The following STXBP3 variants were observed in gnomAD, a reference collection of about 807,000 sequenced individuals.
STXBP3 encodes syntaxin-binding protein 3.
In STXBP3, 41 loss-of-function variants were observed where a neutral mutation model predicts 85.7. That is an observed-to-expected ratio of 0.48 (90% CI 0.37 to 0.62). STXBP3 has a LOEUF of 0.62. STXBP3 is among the 20% of genes least tolerant of loss of function. The pLI, the probability that STXBP3 is intolerant of heterozygous loss-of-function variation, is 0.00. For synonymous variants in STXBP3, 229 were observed against 231.7 expected, an observed-to-expected ratio of 0.99 and a Z score of 0.10; for missense variants, 563 against 703.1, an observed-to-expected ratio of 0.80 and a Z score of 2.25.
chr1:108,785,779 C>G (rs1662813860), intron 11 of STXBP3, among the ~76,000 whole-genome samples: 1 of 152,150 alleles, frequency 6.6e-6, no homozygotes, highest in South Asian at 2.1e-4. Flanking sequence ...TCAAAGTTCC[C>G]CAGATCTCTA....
rs572260730 is a variant in STXBP3, at chr1:108,772,200, TGATATCTATCTGTATCATATATAAATAC to T, written c.439-464_439-437del. On this transcript the variant is annotated intron_variant, in intron 6 of 18. Transcript: ENST00000370008. ...TATCTATATATCATATATAAATACA[TGATATCTATCTGTATCATATATAAATAC>T]ATGATATCTATCTGTATCATATATA... Among the ~76,000 whole-genome samples the T allele has an allele frequency of 6.3e-4, 25 of 39,942 alleles. 4 individuals are homozygous for T. The highest frequency in any genetic ancestry group is 8.4e-4 in the Non-Finnish European group (13 of 15,506). The allele number at this position is 39,942 out of a possible 152,430, so 26.2% of individuals were successfully genotyped here.
chr1:108,771,992 C>A (rs187480062), intron 6 of STXBP3, among the ~76,000 whole-genome samples: 4,631 of 5,452 alleles, frequency 0.85, 1,980 homozygotes, highest in East Asian at 0.89. Flanking sequence ...ATATCTGTAT[C>A]ATATATAAAT....
intron 12 of STXBP3, among the ~76,000 whole-genome samples, chr1:108,794,478 C>T (rs949689617): frequency 5.3e-5 from 8 of 152,190 alleles, no homozygotes; most frequent in African/African-American, 1.9e-4. Context: ...ATGCCAGACA[C>T]TTGTAAAACC....
chr1:108,807,035 C>T (rs1002113056), intron 17 of STXBP3, among the ~76,000 whole-genome samples: 4 of 152,240 alleles, frequency 2.6e-5, no homozygotes, highest in South Asian at 2.1e-4. Context: ...AGGCAGATCA[C>T]GAGGTCAGGA....
intron 4 of STXBP3, 69 bp from the exon 5 acceptor site, chr1:108,758,437 TAGTC>T (rs74262714): frequency 0.057 from 42,468 of 740,296 alleles, 1,434 homozygotes; most frequent in Admixed American, 0.072. Flanking sequence ...AAAATAATCT[TAGTC>T]ATTTCAAAAG....
intron 6 of STXBP3, among the ~76,000 whole-genome samples, chr1:108,764,491 T>G (rs1386624375): frequency 1.3e-5 from 2 of 152,232 alleles, no homozygotes; most frequent in Non-Finnish European, 1.5e-5. Context: ...CCACAATGGT[T>G]CAACTAATAT....
intron 17 of STXBP3, among the ~76,000 whole-genome samples, chr1:108,805,581 T>C (rs1194169259): frequency 6.6e-6 from 1 of 152,122 alleles, no homozygotes; most frequent in Non-Finnish European, 1.5e-5. Context: ...TGCGCCACCA[T>C]GCCCAGCTAA....
At chr1:108,790,152 C>T (rs2934738) in intron 11 of STXBP3, among the ~76,000 whole-genome samples, 1 of 151,856 alleles carries the variant, frequency 6.6e-6, no homozygotes. Context: ...TTTACCTGCT[C>T]TGTCAGTTAC....
chr1:108,750,874 C>G (rs141343663), intron 1 of STXBP3, among the ~76,000 whole-genome samples: 50 of 152,312 alleles, frequency 3.3e-4, no homozygotes, highest in African/African-American at 1.2e-3. Context: ...AAACGCTTAA[C>G]TTACTATTAC....
At position 108,760,043 on chromosome 1, in the gene STXBP3, A is replaced by T. The variant is rs1216119610; in HGVS notation, c.396A>T (p.Arg132Ser). The change falls in exon 6 of 19, where the codon AGA (arginine) becomes AGT (serine). Residue 132 changes from arginine to serine, a missense_variant. Coordinates refer to ENST00000370008, the MANE Select transcript of STXBP3 (RefSeq NM_007269.4). ...IKASCSKSIRRCKEINISFIP... is the reference protein window; with the variant it reads ...IKASCSKSIRSCKEINISFIP... Reference sequence around the variant, plus strand: ...CTTCTTGCTCCAAGTCAATAAGAAGATGTAAAGAAATAAATATTTCCTTCA... The same window carrying T: ...CTTCTTGCTCCAAGTCAATAAGAAGTTGTAAAGAAATAAATATTTCCTTCA... 2 of 1,575,596 alleles carry T rather than the reference A, an allele frequency of 1.3e-6. No individual in the cohort carries two copies. The highest frequency in any genetic ancestry group is 1.4e-5 in the African/African-American group (1 of 72,430).
intron 17 of STXBP3, among the ~76,000 whole-genome samples, chr1:108,801,237 C>G (rs1445085501): frequency 1.3e-5 from 2 of 151,986 alleles, no homozygotes; most frequent in Non-Finnish European, 2.9e-5. Flanking sequence ...TTGGAAGTCC[C>G]TAACATCTGA....
chr1:108,807,584 T>C, intron 18 of STXBP3, 35 bp downstream of exon 18: 1 of 1,569,988 alleles, frequency 6.4e-7, no homozygotes, highest in Non-Finnish European at 8.6e-7. Flanking sequence ...CTGTTTTTTT[T>C]TTTTTTTTTG....
In STXBP3 at chr1:108,807,386, TAAA is replaced by T; in HGVS notation, c.1536-14_1536-12del. ...TATAACATGTTTACTTTTTTTTTTT[TAAA>T]TTACTTTTTAGTGCTCGCCAGAAAC... On this transcript the variant is annotated splice_polypyrimidine_tract_variant and intron_variant, in intron 17 of 18. Coordinates refer to ENST00000370008, the MANE Select transcript of STXBP3 (RefSeq NM_007269.4). The T allele has an allele frequency of 6.3e-7, 1 of 1,592,022 alleles. No individual in the cohort carries two copies. Among genetic ancestry groups the T allele is most frequent in the Admixed American group, 1.9e-5 (1 of 53,986 alleles).
chr1:108,799,194 T>TGAA (rs1241337243), intron 16 of STXBP3, among the ~76,000 whole-genome samples: 1 of 152,224 alleles, frequency 6.6e-6, no homozygotes, highest in Non-Finnish European at 1.5e-5. Context: ...TTCTCTGTTT[T>TGAA]GCTTGGCTAA....
chr1:108,794,774 T>G lies in STXBP3; in HGVS notation c.1030-53T>G, dbSNP rs1663055450. 2.6e-6 allele frequency: 4 copies of G among 1,519,126 alleles called. No homozygotes were observed. The African/African-American group carries it at 5.5e-5, about 21-fold the overall frequency. The allele number at this position is 1,519,126 out of a possible 1,614,324, so 94.1% of individuals were successfully genotyped here. ...TGTCTCAAAAGTTTAATATTACCAG[T>G]TGCACAAAAGTCATTAAAATCCTTT... On this transcript the variant is annotated intron_variant, in intron 12 of 18. Coordinates refer to ENST00000370008, the MANE Select transcript of STXBP3 (RefSeq NM_007269.4).
rs1661790895 is a variant in STXBP3, at chr1:108,746,776, C to T, written c.39C>T (p.Val13=). Residue 13 remains valine (V), a synonymous_variant, in exon 1 of 19, where the codon GTC becomes GTT. Transcript: ENST00000370008. Reference sequence around the variant, plus strand: ...TGGCAGAGAGGGGGCTAAAGAGCGTCGTGTGGCAGAGTGAGTGCGGTGGGG... The same window carrying T: ...TGGCAGAGAGGGGGCTAAAGAGCGTTGTGTGGCAGAGTGAGTGCGGTGGGG... ...PPVAERGLKS[V]VWQKIKATVF... The T allele has an allele frequency of 2.6e-6, 4 of 1,549,872 alleles. No homozygotes were observed. The highest frequency in any genetic ancestry group is 3.5e-6 in the Non-Finnish European group (4 of 1,146,544).
At position 108,782,701 on chromosome 1, in the gene STXBP3, G is replaced by A. The variant is rs1418153028; in HGVS notation, c.958G>A (p.Gly320Arg). The change falls in exon 11 of 19, where the codon GGA (glycine) becomes AGA (arginine). Residue 320 changes from glycine to arginine, a missense_variant. By Grantham distance (125) the Gly-to-Arg change is moderately radical (BLOSUM62 -2). Around this residue, in one of 3 missense-constraint regions of STXBP3, gnomAD observed 494 missense variants for 592.8 expected, o/e 0.83. Coordinates refer to ENST00000370008, the MANE Select transcript of STXBP3 (RefSeq NM_007269.4). ...EISSTKKATEGKTSLSALTQL... is the reference protein window; with the variant it reads ...EISSTKKATERKTSLSALTQL... Reference sequence around the variant, plus strand: ...TTCATCAACAAAGAAAGCAACAGAAGGAAAGGTAAGAGTCTTACTTAACTT... The same window carrying A: ...TTCATCAACAAAGAAAGCAACAGAAAGAAAGGTAAGAGTCTTACTTAACTT... 8 of 1,606,580 alleles carry A rather than the reference G, an allele frequency of 5.0e-6. No homozygotes were observed. The highest frequency in any genetic ancestry group is 5.9e-6 in the Non-Finnish European group (7 of 1,177,636).
At chr1:108,794,704 T>C (rs1203858131) in intron 12 of STXBP3, 123 bp from the exon 13 acceptor site, 10 of 746,878 alleles carry the variant, frequency 1.3e-5, no homozygotes, top group Non-Finnish European at 2.0e-5. Flanking sequence ...TTCCCTTGCT[T>C]ACATGTTACC....
intron 6 of STXBP3, among the ~76,000 whole-genome samples, chr1:108,763,768 G>A (rs1464455052): frequency 2.0e-5 from 3 of 151,348 alleles, no homozygotes; most frequent in Non-Finnish European, 4.4e-5. Flanking sequence ...TTTTAGTAGA[G>A]ATGGGGTTTC....
Sources: allele counts gnomAD v4.1 joint callset (sites outside exome capture counted in the v4.1 genomes callset), GRCh38; gene constraint gnomAD v4.1.1; regional missense constraint gnomAD v4.1.1; transcripts MANE v1.5; gene names NCBI Gene and HGNC (gene_info 2026-07-23, HGNC 2026-07-21).